Variants in PTGER3 observed in about 807,000 individuals in gnomAD.
PTGER3 encodes prostaglandin E receptor 3, also known as prostaglandin E2 receptor EP3 subtype.
In PTGER3, 22 loss-of-function variants were observed where a neutral mutation model predicts 34.7. The observed-to-expected ratio is 0.63, with a 90% confidence interval of 0.45 to 0.91. PTGER3 has a LOEUF of 0.91. PTGER3 is among the 40% of genes least tolerant of loss of function. The pLI is 0.00. For missense variants in PTGER3, 468 were observed against 519.4 expected (o/e 0.90, Z 0.96); for synonymous variants, 241 against 230.1 (o/e 1.05, Z -0.43).
intron 4 of PTGER3, among the ~76,000 whole-genome samples, chr1:70,906,599 T>A (rs1170491878): frequency 6.6e-6 from 1 of 152,212 alleles, no homozygotes; most frequent in East Asian, 1.9e-4. Context: ...ATGTTGTAAA[T>A]TGTGTGATCT....
At chr1:70,920,599 G>A (rs902723390) in intron 4 of PTGER3, among the ~76,000 whole-genome samples, 1 of 152,152 alleles carries the variant, frequency 6.6e-6, no homozygotes, top group Non-Finnish European at 1.5e-5. Flanking sequence ...ATAGCCCAAA[G>A]TATAGGTAAT....
chr1:71,014,600 T>C (rs1386086903), intron 1 of PTGER3, among the ~76,000 whole-genome samples: 1 of 152,090 alleles, frequency 6.6e-6, no homozygotes, highest in Non-Finnish European at 1.5e-5. Context: ...GGGATTATTA[T>C]CCTTATAAGA....
chr1:70,907,143 T>C (rs1393144471), intron 4 of PTGER3, among the ~76,000 whole-genome samples: 1 of 152,230 alleles, frequency 6.6e-6, no homozygotes, highest in Non-Finnish European at 1.5e-5. Flanking sequence ...CAAATATTGG[T>C]AACAATATGG....
intron 2 of PTGER3, among the ~76,000 whole-genome samples, chr1:70,976,732 A>C (rs1231081562): frequency 6.6e-6 from 1 of 152,042 alleles, no homozygotes; most frequent in East Asian, 1.9e-4. Context: ...CTTTAATTTC[A>C]TTTCATGCTT....
chr1:70,938,873 T>C (rs1649493224), intron 4 of PTGER3, among the ~76,000 whole-genome samples: 1 of 152,060 alleles, frequency 6.6e-6, no homozygotes, highest in Admixed American at 6.5e-5. Flanking sequence ...CCAAACCATA[T>C]GGAAAATTCC....
intron 4 of PTGER3, among the ~76,000 whole-genome samples, chr1:70,866,015 C>A (rs993768497): frequency 2.0e-5 from 3 of 152,200 alleles, no homozygotes; most frequent in Admixed American, 6.5e-5. Context: ...TGACTGCCCC[C>A]TTCCATGTAA....
At chr1:70,868,291 C>A (rs1646088085) in intron 4 of PTGER3, among the ~76,000 whole-genome samples, 1 of 152,068 alleles carries the variant, frequency 6.6e-6, no homozygotes, top group Non-Finnish European at 1.5e-5. Flanking sequence ...CCTCTCTATG[C>A]CCATGGTGTT....
At chr1:70,904,048 C>T (rs1331041636) in intron 4 of PTGER3, among the ~76,000 whole-genome samples, 1 of 152,092 alleles carries the variant, frequency 6.6e-6, no homozygotes, top group Non-Finnish European at 1.5e-5. Flanking sequence ...ATCTTTCCTT[C>T]ATTGTTCCTG....
chr1:70,868,918 C>T (rs894092075), intron 4 of PTGER3, among the ~76,000 whole-genome samples: 1 of 151,984 alleles, frequency 6.6e-6, no homozygotes, highest in African/African-American at 2.4e-5. Flanking sequence ...ATGAATGGGC[C>T]CAGCTATAAG....
In PTGER3 at chr1:70,987,264, A is replaced by G. The variant is rs553460013; in HGVS notation, c.1078-12876T>C. 6.0e-4 allele frequency among the ~76,000 whole-genome samples: 91 copies of G among 152,336 alleles called. 1 individual carries two copies. The highest frequency in any genetic ancestry group is 2.1e-3 in the African/African-American group (89 of 41,572). ...AATAAGAACAGCCATTCTAATTCCA[A>G]ACAAGTTAAGAATATATGTCTAAAG... On this transcript the variant is annotated intron_variant, in intron 2 of 3. Transcript: ENST00000306666.
downstream of PTGER3, among the ~76,000 whole-genome samples, chr1:70,947,866 T>G (rs1010799646): frequency 6.6e-6 from 1 of 152,200 alleles, no homozygotes; most frequent in Non-Finnish European, 1.5e-5. Flanking sequence ...TGTTTACATA[T>G]ATGTGCTATG....
At chr1:70,962,473 G>A (rs936255768) in intron 2 of PTGER3, among the ~76,000 whole-genome samples, 2 of 151,740 alleles carry the variant, frequency 1.3e-5, no homozygotes, top group East Asian at 1.9e-4. Context: ...ACCTGAGACT[G>A]GGCAATCTAT....
chr1:70,925,809 G>A (rs745952889), intron 4 of PTGER3, among the ~76,000 whole-genome samples: 21 of 152,102 alleles, frequency 1.4e-4, no homozygotes, highest in East Asian at 3.9e-4. Context: ...AACAGTTCTG[G>A]CAATGTTCTA....
chr1:71,021,501 A>G (rs1418825244), intron 1 of PTGER3, among the ~76,000 whole-genome samples: 4 of 149,664 alleles, frequency 2.7e-5, no homozygotes, highest in African/African-American at 1.0e-4. Context: ...TGGGTGACAC[A>G]CAAGTTAGAA....
At chr1:71,036,439 C>G (rs548531191) in intron 1 of PTGER3, among the ~76,000 whole-genome samples, 1 of 152,178 alleles carries the variant, frequency 6.6e-6, no homozygotes, top group East Asian at 1.9e-4. Flanking sequence ...ATCACTTGAG[C>G]CCAATAGTTC....
chr1:70,921,644 T>TA (rs61498747), intron 4 of PTGER3, among the ~76,000 whole-genome samples: 55,182 of 150,104 alleles, frequency 0.37, 10,267 homozygotes, highest in Middle Eastern at 0.51. Context: ...TGCAGGTCCC[T>TA]AAAAAAAAAT....
At chr1:71,019,824 G>A (rs1658239700) in intron 1 of PTGER3, among the ~76,000 whole-genome samples, 1 of 152,146 alleles carries the variant, frequency 6.6e-6, no homozygotes, top group Non-Finnish European at 1.5e-5. Context: ...TATGGGGGAG[G>A]AAATAAATTG....
At chr1:70,910,960 A>G (rs1337029185) in intron 4 of PTGER3, among the ~76,000 whole-genome samples, 1 of 151,990 alleles carries the variant, frequency 6.6e-6, no homozygotes, top group Non-Finnish European at 1.5e-5. Flanking sequence ...TGTGCCTGTA[A>G]TCCCAGCTAC....
At chr1:70,960,285 A>G (rs189289571) in intron 2 of PTGER3, among the ~76,000 whole-genome samples, 1 of 152,300 alleles carries the variant, frequency 6.6e-6, no homozygotes, top group Non-Finnish European at 1.5e-5. Flanking sequence ...CACTTTCTTC[A>G]CAGTTGTGCC....
Sources: allele counts gnomAD v4.1 joint callset (sites outside exome capture counted in the v4.1 genomes callset), GRCh38; gene constraint gnomAD v4.1.1; transcripts MANE v1.5; gene names NCBI Gene and HGNC (gene_info 2026-07-23, HGNC 2026-07-21).